The following AGAP1 variants were observed in gnomAD, a reference collection of about 807,000 sequenced individuals.
AGAP1 encodes ArfGAP with GTPase domain, ankyrin repeat and PH domain 1.
AGAP1 carries 29 observed loss-of-function variants against 105.3 expected under a neutral mutation model. The observed-to-expected ratio is 0.28, with a 90% CI of 0.21 to 0.38. The LOEUF (loss-of-function observed/expected upper bound fraction) is 0.38. AGAP1 is among the 10% of genes least tolerant of loss of function. The pLI is 1.00. For missense variants in AGAP1, 998 were observed against 1,165.1 expected, an observed-to-expected ratio of 0.86 and a Z score of 2.09; for synonymous variants, 509 against 485.9, an observed-to-expected ratio of 1.05 and a Z score of -0.63.
intron 16 of AGAP1, among the ~76,000 whole-genome samples, chr2:236,068,529 G>T (rs1462959803): frequency 6.6e-6 from 1 of 151,990 alleles, no homozygotes; most frequent in South Asian, 2.1e-4. Flanking sequence ...GGCCGGGCGC[G>T]GTGGCTCACG....
In AGAP1 at chr2:235,732,797, G is replaced by A. The variant is rs1005912367; in HGVS notation, c.311-8166G>A. ...GGAGCCCGTGACCGCCCTGCTTCCT[G>A]TGGTGGGAGAAGGTGAGGGAGAGGA... On this transcript the variant is annotated intron_variant, in intron 3 of 17. Coordinates refer to ENST00000304032, the MANE Select transcript of AGAP1 (RefSeq NM_001037131.3). This position sits in a 1 kb window ranked among gnomAD's most constrained non-coding sequence, Gnocchi z 4.8. 6.6e-6 allele frequency among the ~76,000 whole-genome samples: 1 copy of A among 152,194 alleles called. No homozygotes were observed. Among genetic ancestry groups the A allele is most frequent in the African/African-American group, 2.4e-5 (1 of 41,458 alleles).
Position 235,642,153 on chromosome 2 carries a change from G to A in AGAP1, c.164-67026G>A, listed in dbSNP as rs1422202510. On this transcript the variant is annotated intron_variant, in intron 1 of 17. Transcript: ENST00000304032. The surrounding 1 kb of genome is among the most constrained non-coding windows in gnomAD (Gnocchi z 4.1). ...AGAGGGTGCCCATCCACGGAGTGCG[G>A]CGCCTGCTCGACTTGGCCTTCTGGC... Among the ~76,000 whole-genome samples, 1 of 152,208 alleles carries A rather than the reference G, an allele frequency of 6.6e-6. No individual in the cohort carries two copies. Among genetic ancestry groups the A allele is most frequent in the Non-Finnish European group, 1.5e-5 (1 of 68,042 alleles).
At chr2:236,110,977 C>T (rs6730035) in intron 16 of AGAP1, among the ~76,000 whole-genome samples, 12,535 of 152,182 alleles carry the variant, frequency 0.082, 1,677 homozygotes, top group African/African-American at 0.28. Flanking sequence ...TACGTCCTCA[C>T]GTGATAGAAG....
In AGAP1 at chr2:236,051,599, G is replaced by A. The variant is rs571866946; in HGVS notation, c.2114+2318G>A. On this transcript the variant is annotated intron_variant, in intron 16 of 17. Coordinates refer to ENST00000304032, the MANE Select transcript of AGAP1 (RefSeq NM_001037131.3). This position sits in a 1 kb window ranked among gnomAD's most constrained non-coding sequence, Gnocchi z 5.9. ...TGTCGGCGAGTACAGCACCGTGGAC[G>A]GGAGCCTCCCATGAATGAGGAGGAG... Among the ~76,000 whole-genome samples, 59 of 152,252 alleles carry A rather than the reference G, an allele frequency of 3.9e-4. No individual in the cohort carries two copies. The highest frequency in any genetic ancestry group is 1.7e-3 in the Admixed American group (26 of 15,302).
chr2:236,124,206 C>G lies in AGAP1; in HGVS notation c.*84C>G. On this transcript the variant is annotated 3_prime_UTR_variant, in exon 18 of 18. Transcript: ENST00000304032. This position sits in a 1 kb window ranked among gnomAD's most constrained non-coding sequence, Gnocchi z 5.1. ...CGCTCAGAAGTCGCAGCACGTGAGT[C>G]CCGTCGCATCCCCTCCCTCTTCCTG... The G allele has an allele frequency of 7.1e-7, 1 of 1,407,440 alleles. No homozygotes were observed. Among genetic ancestry groups the G allele is most frequent in the Non-Finnish European group, 9.7e-7 (1 of 1,027,734 alleles). 87.2% of individuals were successfully genotyped at this position (1,407,440 alleles called of 1,614,324 possible). A position where few individuals can be genotyped will look rare whatever the true frequency, so the allele number is the denominator to read the frequency against.
At chr2:235,554,381 C>G (rs1220344469) in intron 1 of AGAP1, among the ~76,000 whole-genome samples, 1 of 152,236 alleles carries the variant, frequency 6.6e-6, no homozygotes, top group Non-Finnish European at 1.5e-5. Context: ...GAGCTCTTGA[C>G]AACCCCAGAG....
Position 236,057,334 on chromosome 2 carries a change from C to G in AGAP1, c.2114+8053C>G, listed in dbSNP as rs926731723. On this transcript the variant is annotated intron_variant, in intron 16 of 17. Transcript: ENST00000304032. ...GTGTTAGCCAGGCTGGTCTCAAACT[C>G]CTGACCTCAGGTGATTTGCCTGCCT... 2.0e-5 allele frequency among the ~76,000 whole-genome samples: 3 copies of G among 152,210 alleles called. No individual in the cohort carries two copies. In the East Asian group the frequency reaches 5.8e-4, roughly 29 times the overall value.
At chr2:235,846,061 C>T (rs892899683) in intron 9 of AGAP1, among the ~76,000 whole-genome samples, 1 of 152,132 alleles carries the variant, frequency 6.6e-6, no homozygotes, top group Non-Finnish European at 1.5e-5. Flanking sequence ...TCTCAAACTT[C>T]TCACCATTGC....
In AGAP1 at chr2:236,096,179, C is replaced by G. The variant is rs1205374536; in HGVS notation, c.2115-24013C>G. ...GTAGGTAACTTCACTGGCTTCTTCA[C>G]ACAAATGTGGCTCTTCTCATTAAAA... On this transcript the variant is annotated intron_variant, in intron 16 of 17. Transcript: ENST00000304032. The surrounding 1 kb of genome is among the most constrained non-coding windows in gnomAD (Gnocchi z 4.4). Among the ~76,000 whole-genome samples, 3 of 152,186 alleles carry G rather than the reference C, an allele frequency of 2.0e-5. No individual in the cohort carries two copies. Among genetic ancestry groups the G allele is most frequent in the Non-Finnish European group, 4.4e-5 (3 of 68,042 alleles).
intron 1 of AGAP1, among the ~76,000 whole-genome samples, chr2:235,597,958 T>G (rs1299205760): frequency 7.9e-6 from 1 of 127,002 alleles, no homozygotes; most frequent in Non-Finnish European, 1.7e-5. Context: ...TCCCGTTTCC[T>G]TTGTGTGGAG....
chr2:235,680,350 G>A (rs1447381441), intron 1 of AGAP1, among the ~76,000 whole-genome samples: 1 of 152,176 alleles, frequency 6.6e-6, no homozygotes, highest in East Asian at 1.9e-4. Context: ...GGTGGGACAG[G>A]GCAGGGGTTT....
At chr2:235,573,047 TCTTCTTCTTC>T (rs1944609996) in intron 1 of AGAP1, among the ~76,000 whole-genome samples, 1 of 22,330 alleles carries the variant, frequency 4.5e-5, no homozygotes. Context: ...TTCTTCTTCT[TCTTCTTCTTC>T]TTCTTTCTTC....
In AGAP1 at chr2:236,082,098, T is replaced by A. The variant is rs899540013; in HGVS notation, c.2114+32817T>A. Among the ~76,000 whole-genome samples the A allele has an allele frequency of 1.3e-5, 2 of 152,210 alleles. No homozygotes were observed. Among genetic ancestry groups the A allele is most frequent in the African/African-American group, 4.8e-5 (2 of 41,464 alleles). ...AAGGTAAGGCTTCCTTCCTGCCGTT[T>A]CCTCTGGTGCCCTTTTCTTTCCCCC... On this transcript the variant is annotated intron_variant, in intron 16 of 17. Coordinates refer to ENST00000304032, the MANE Select transcript of AGAP1 (RefSeq NM_001037131.3). The surrounding 1 kb of genome is among the most constrained non-coding windows in gnomAD (Gnocchi z 4.2).
chr2:236,018,136 T>A, intron 13 of AGAP1, among the ~76,000 whole-genome samples: 1 of 152,256 alleles, frequency 6.6e-6, no homozygotes, highest in East Asian at 1.9e-4. Flanking sequence ...CTTTTGTTGC[T>A]TTTTAACAAT....
intron 1 of AGAP1, among the ~76,000 whole-genome samples, chr2:235,699,069 TCCC>T (rs5839607): frequency 4.3e-5 from 6 of 140,388 alleles, no homozygotes; most frequent in African/African-American, 1.5e-4. Flanking sequence ...GCATCAGACA[TCCC>T]CCCCCCCCAC....
Position 236,009,063 on chromosome 2 carries a change from G to A in AGAP1, c.1646-27498G>A, listed in dbSNP as rs1376742196. On this transcript the variant is annotated intron_variant, in intron 13 of 17. Transcript: ENST00000304032. This position sits in a 1 kb window ranked among gnomAD's most constrained non-coding sequence, Gnocchi z 4.2. ...GCCCTTTGAACTGATGTTTCAACAT[G>A]ACTCCTTCTCTGTGAGCTCTCCGCT... 6.6e-6 allele frequency among the ~76,000 whole-genome samples: 1 copy of A among 152,134 alleles called. No individual in the cohort carries two copies. Among genetic ancestry groups the A allele is most frequent in the Non-Finnish European group, 1.5e-5 (1 of 68,026 alleles).
Position 235,967,945 on chromosome 2 carries a change from T to G in AGAP1, c.1484-517T>G, listed in dbSNP as rs908434103. Among the ~76,000 whole-genome samples, 12 of 152,166 alleles carry G rather than the reference T, an allele frequency of 7.9e-5. No individual in the cohort carries two copies. Among genetic ancestry groups the G allele is most frequent in the Admixed American group, 2.0e-4 (3 of 15,280 alleles). The stretch of plus-strand genomic sequence containing the variant: ...AGAGAGAGAAAAAAATGGCATAGAA[T>G]TTTTCACTGATAATAAAACAAGATG... On this transcript the variant is annotated intron_variant, in intron 12 of 17. Coordinates refer to ENST00000304032, the MANE Select transcript of AGAP1 (RefSeq NM_001037131.3). The surrounding 1 kb of genome is among the most constrained non-coding windows in gnomAD (Gnocchi z 4.7).
intron 9 of AGAP1, among the ~76,000 whole-genome samples, chr2:235,839,395 T>C (rs577569475): frequency 6.6e-6 from 1 of 152,316 alleles, no homozygotes; most frequent in East Asian, 1.9e-4. Context: ...CCCGGGCATC[T>C]ATTCTCTAGT....
chr2:235,955,146 G>A (rs761869444), intron 12 of AGAP1, among the ~76,000 whole-genome samples: 7 of 152,172 alleles, frequency 4.6e-5, no homozygotes, highest in Non-Finnish European at 1.0e-4. Flanking sequence ...ACATGCCCAG[G>A]GTCACGTGGC....
Sources: gnomAD v4.1 joint callset for allele counts (sites outside exome capture counted in the v4.1 genomes callset) on GRCh38, gnomAD v4.1.1 for gene constraint, Gnocchi (gnomAD v3.1) non-coding constraint, MANE v1.5 for transcripts, NCBI Gene and HGNC (gene_info 2026-07-23, HGNC 2026-07-21) for gene names.